CADM2: variants seen among roughly 807,000 people sequenced by gnomAD.
The protein encoded by CADM2 is immunoglobulin superfamily member 4D.
A neutral mutation model predicts 49.8 loss-of-function variants in CADM2; 12 were observed. That is an observed-to-expected ratio of 0.24 (90% CI 0.15 to 0.39). The LOEUF (loss-of-function observed/expected upper bound fraction) is 0.39, where lower values mean the gene tolerates loss of function less well. Ranked by LOEUF, CADM2 falls within the 10% of genes least tolerant of loss-of-function variation. The pLI is 1.00. For missense variants in CADM2, 378 were observed against 492.3 expected (o/e 0.77, Z 2.20); for synonymous variants, 214 against 175.4 (o/e 1.22, Z -1.74).
intron 1 of CADM2, among the ~76,000 whole-genome samples, chr3:85,195,671 TA>T (rs1179785525): frequency 2.0e-5 from 3 of 152,102 alleles, no homozygotes; most frequent in Middle Eastern, 3.4e-3. Flanking sequence ...TAAATTTACA[TA>T]CATGTGTTAA....
intron 1 of CADM2, among the ~76,000 whole-genome samples, chr3:85,221,742 C>T (rs1259077064): frequency 3.3e-5 from 5 of 152,076 alleles, no homozygotes; most frequent in African/African-American, 7.2e-5. Flanking sequence ...TGTAAACAGG[C>T]GTTAGGACAT....
chr3:85,152,017 AG>A (rs1559690945), intron 1 of CADM2, among the ~76,000 whole-genome samples: 1 of 152,174 alleles, frequency 6.6e-6, no homozygotes, highest in Non-Finnish European at 1.5e-5. Context: ...TGATAGTTTC[AG>A]TATTTATCAA....
intron 1 of CADM2, among the ~76,000 whole-genome samples, chr3:85,091,595 T>C (rs1417135784): frequency 6.6e-6 from 1 of 152,142 alleles, no homozygotes; most frequent in Non-Finnish European, 1.5e-5. Context: ...ATGTGTATAC[T>C]GAAAATAAAC....
intron 2 of CADM2, among the ~76,000 whole-genome samples, chr3:85,770,033 A>G (rs147194368): frequency 7.6e-4 from 116 of 152,216 alleles, no homozygotes; most frequent in Middle Eastern, 3.4e-3. Context: ...CTCTTTCAAT[A>G]AGATATAGAA....
intron 1 of CADM2, among the ~76,000 whole-genome samples, chr3:85,147,545 A>T (rs72907149): frequency 0.074 from 11,254 of 152,080 alleles, 1,410 homozygotes; most frequent in African/African-American, 0.26. Context: ...TAATAATGTA[A>T]TGCTATTGAT....
At chr3:85,211,364 G>A (rs1452903772) in intron 1 of CADM2, among the ~76,000 whole-genome samples, 2 of 151,630 alleles carry the variant, frequency 1.3e-5, no homozygotes, top group Non-Finnish European at 2.9e-5. Context: ...TGCTTTTTGG[G>A]TTCTTTAAGA....
intron 1 of CADM2, among the ~76,000 whole-genome samples, chr3:85,508,854 T>C (rs2040481503): frequency 6.6e-6 from 1 of 151,968 alleles, no homozygotes. Context: ...TGTGTGTGTG[T>C]GTGTGTGTGT....
chr3:85,441,365 A>G (rs1049898795), intron 1 of CADM2, among the ~76,000 whole-genome samples: 7 of 152,136 alleles, frequency 4.6e-5, no homozygotes, highest in Admixed American at 6.6e-5. Flanking sequence ...TCAATATTAT[A>G]AATAAACATA....
At chr3:85,188,099 A>G (rs142956934) in intron 1 of CADM2, among the ~76,000 whole-genome samples, 1 of 152,132 alleles carries the variant, frequency 6.6e-6, no homozygotes, top group African/African-American at 2.4e-5. Context: ...TATGTTAAAT[A>G]ATTTAGGTAA....
At chr3:85,710,183 G>A (rs184920797) in intron 1 of CADM2, among the ~76,000 whole-genome samples, 79 of 152,184 alleles carry the variant, frequency 5.2e-4, no homozygotes, top group African/African-American at 1.8e-3. Context: ...CACCTTCATA[G>A]CATAACAAGC....
chr3:85,023,409 C>T (rs1266716525), intron 1 of CADM2, among the ~76,000 whole-genome samples: 2 of 151,966 alleles, frequency 1.3e-5, no homozygotes, highest in African/African-American at 2.4e-5. Flanking sequence ...TCTTTTCCTT[C>T]TTCCTGAAAC....
intron 7 of CADM2, among the ~76,000 whole-genome samples, chr3:85,952,238 T>C (rs1024276903): frequency 6.6e-6 from 1 of 150,760 alleles, no homozygotes; most frequent in Non-Finnish European, 1.5e-5. Flanking sequence ...GACAATAAAT[T>C]TTGAAATAAT....
intron 1 of CADM2, among the ~76,000 whole-genome samples, chr3:85,564,958 A>T (rs1398556319): frequency 6.6e-6 from 1 of 152,142 alleles, no homozygotes; most frequent in Non-Finnish European, 1.5e-5. Context: ...CAAGGTATAT[A>T]GCTCGAAGCT....
intron 5 of CADM2, among the ~76,000 whole-genome samples, chr3:85,910,614 T>C (rs1321671816): frequency 2.0e-5 from 3 of 152,090 alleles, no homozygotes; most frequent in Admixed American, 6.5e-5. Flanking sequence ...TATAATTTTG[T>C]ATCCTGTGTT....
intron 1 of CADM2, among the ~76,000 whole-genome samples, chr3:85,432,336 C>G (rs1032643687): frequency 6.6e-6 from 1 of 151,974 alleles, no homozygotes; most frequent in South Asian, 2.1e-4. Context: ...CCAGAGCAGT[C>G]GCAGAGGGAG....
chr3:85,378,687 T>C (rs2107346380), intron 1 of CADM2, among the ~76,000 whole-genome samples: 1 of 151,998 alleles, frequency 6.6e-6, no homozygotes, highest in African/African-American at 2.4e-5. Context: ...TTTACTTTCA[T>C]TCTGTTCTAA....
At chr3:85,498,171 G>GT (rs61505551) in intron 1 of CADM2, among the ~76,000 whole-genome samples, 29,271 of 134,274 alleles carry the variant, frequency 0.22, 3,244 homozygotes, top group South Asian at 0.24. Context: ...TTGTTGCCAA[G>GT]TTTTTTTTTT....
At chr3:85,180,121 A>C (rs2040890078) in intron 1 of CADM2, among the ~76,000 whole-genome samples, 1 of 152,176 alleles carries the variant, frequency 6.6e-6, no homozygotes, top group Admixed American at 6.5e-5. Context: ...AATAAGTAAA[A>C]TATATAGTAG....
intron 1 of CADM2, among the ~76,000 whole-genome samples, chr3:85,625,241 G>A (rs1331864486): frequency 1.3e-5 from 2 of 151,936 alleles, no homozygotes; most frequent in Non-Finnish European, 1.5e-5. Flanking sequence ...AAATAATTTT[G>A]CAAGAATTTA....
Sources: allele counts gnomAD v4.1 joint callset (sites outside exome capture counted in the v4.1 genomes callset), GRCh38; gene constraint gnomAD v4.1.1; transcripts MANE v1.5; gene names NCBI Gene and HGNC (gene_info 2026-07-23, HGNC 2026-07-21).